Variants in MSRB3 observed in about 807,000 individuals in gnomAD.
MSRB3 encodes the protein methionine-R-sulfoxide reductase B3.
MSRB3 carries 13 observed loss-of-function variants against 21.0 expected under a neutral mutation model. The observed-to-expected ratio is 0.62, with a 90% CI of 0.40 to 0.98. The LOEUF (loss-of-function observed/expected upper bound fraction) is 0.98. Among genes scored for constraint, MSRB3 ranks in the 50% least tolerant of loss-of-function variants. MSRB3 has a pLI of 0.00. For synonymous variants in MSRB3, 87 were observed against 88.6 expected, an observed-to-expected ratio of 0.98 and a Z score of 0.10; for missense variants, 199 against 230.3, an observed-to-expected ratio of 0.86 and a Z score of 0.88.
intron 6 of MSRB3, among the ~76,000 whole-genome samples, chr12:65,455,052 T>C (rs1043718268): frequency 2.6e-5 from 4 of 152,206 alleles, no homozygotes; most frequent in African/African-American, 9.7e-5. Context: ...TACAGGAGCA[T>C]GATCAGGCAG....
chr12:65,354,980 G>A (rs1487381896), intron 4 of MSRB3, among the ~76,000 whole-genome samples: 1 of 151,770 alleles, frequency 6.6e-6, no homozygotes, highest in Non-Finnish European at 1.5e-5. Context: ...CTTATAATAG[G>A]AGGGGAAGTA....
chr12:65,414,854 G>A (rs1331910647), intron 5 of MSRB3, among the ~76,000 whole-genome samples: 2 of 152,166 alleles, frequency 1.3e-5, no homozygotes, highest in African/African-American at 2.4e-5. Flanking sequence ...GTTCAGGTGG[G>A]GCCTGGGGGA....
At chr12:65,347,226 G>A (rs1876579806) in intron 4 of MSRB3, among the ~76,000 whole-genome samples, 1 of 152,112 alleles carries the variant, frequency 6.6e-6, no homozygotes, top group Admixed American at 6.6e-5. Context: ...AGCATGGAAT[G>A]TTCTTCCATT....
intron 5 of MSRB3, among the ~76,000 whole-genome samples, chr12:65,378,116 C>T (rs376493461): frequency 4.6e-5 from 7 of 152,022 alleles, no homozygotes; most frequent in African/African-American, 1.7e-4. Context: ...GTTGACTAGC[C>T]CAGTGCTTAG....
rs1003091502 is a variant in MSRB3 at position 65,279,075 on chromosome 12, A to G, written c.-52+210A>G. 35 of 1,406,738 alleles carry G rather than the reference A, an allele frequency of 2.5e-5. No homozygotes were observed. In the African/African-American group the frequency reaches 4.8e-4, roughly 19 times the overall value. The allele number at this position is 1,406,738 out of a possible 1,614,324, so 87.1% of individuals were successfully genotyped here. On this transcript the variant is annotated intron_variant, in intron 1 of 6. Transcript: ENST00000308259. ...GTGAGGGGCCGAACGGAAGGAGGTC[A>G]GGGCTGGTTTCCCCCCACCCGCCGA...
intron 2 of MSRB3, among the ~76,000 whole-genome samples, chr12:65,323,852 A>C (rs1874846616): frequency 6.6e-6 from 1 of 152,176 alleles, no homozygotes. Flanking sequence ...GTAATAGTAT[A>C]GCTTTAAATT....
chr12:65,373,212 A>G (rs1878418821), intron 5 of MSRB3, among the ~76,000 whole-genome samples: 2 of 152,196 alleles, frequency 1.3e-5, no homozygotes, highest in African/African-American at 4.8e-5. Flanking sequence ...TAACTGAAAA[A>G]AGATGTTTTT....
intron 5 of MSRB3, among the ~76,000 whole-genome samples, chr12:65,381,502 T>A (rs1314769650): frequency 6.6e-6 from 1 of 152,136 alleles, no homozygotes; most frequent in East Asian, 1.9e-4. Flanking sequence ...TGCTCCAGTA[T>A]GAAAGTATTT....
At chr12:65,286,741 G>A (rs1211244018) in intron 1 of MSRB3, 2 of 151,030 alleles carry the variant, frequency 1.3e-5, no homozygotes, top group African/African-American at 4.9e-5. Flanking sequence ...CTCAGGCAAG[G>A]CACAGTAGTT....
Position 65,458,533 on chromosome 12 carries a change from A to C in MSRB3, c.391-4622A>C, listed in dbSNP as rs557492900. Among the ~76,000 whole-genome samples the C allele has an allele frequency of 2.0e-5, 3 of 152,338 alleles. No individual in the cohort carries two copies. The South Asian group carries it at 6.2e-4, about 32-fold the overall frequency. The stretch of plus-strand genomic sequence containing the variant: ...AGAATTGTTGTGTAGGAAACAGCAC[A>C]CTGCCTAATCTTTGCATTGACAGCA... On this transcript the variant is annotated intron_variant, in intron 6 of 6. Coordinates refer to ENST00000308259, the MANE Select transcript of MSRB3 (RefSeq NM_001031679.3).
chr12:65,306,762 A>C (rs538365460), intron 1 of MSRB3: 9 of 824,140 alleles, frequency 1.1e-5, no homozygotes, highest in Middle Eastern at 6.1e-4. Context: ...AGGCAACAGA[A>C]TATTAAATCA....
At chr12:65,343,218 A>G (rs185545444) in intron 4 of MSRB3, among the ~76,000 whole-genome samples, 28 of 152,272 alleles carry the variant, frequency 1.8e-4, no homozygotes, top group African/African-American at 6.7e-4. Context: ...CATATTGCCC[A>G]TCTACTCACA....
rs555572172 is a variant in MSRB3 at position 65,416,296 on chromosome 12, G to A, written c.293-37432G>A. Among the ~76,000 whole-genome samples, 4 of 152,290 alleles carry A rather than the reference G, an allele frequency of 2.6e-5. No individual in the cohort carries two copies. The South Asian group carries it at 8.3e-4, about 32-fold the overall frequency. Reference sequence around the variant, plus strand: ...CTCTTCTCCACTGCTCAGAACACAGGAAGACTTACCCTGGTTGTGATTCTA... The same window carrying A: ...CTCTTCTCCACTGCTCAGAACACAGAAAGACTTACCCTGGTTGTGATTCTA... On this transcript the variant is annotated intron_variant, in intron 5 of 6. Coordinates refer to ENST00000308259, the MANE Select transcript of MSRB3 (RefSeq NM_001031679.3).
chr12:65,347,262 G>A (rs534846154), intron 4 of MSRB3, among the ~76,000 whole-genome samples: 1 of 152,140 alleles, frequency 6.6e-6, no homozygotes, highest in South Asian at 2.1e-4. Flanking sequence ...TTATTTCATT[G>A]AGCAGTGGTT....
intron 4 of MSRB3, among the ~76,000 whole-genome samples, chr12:65,357,014 A>G (rs773688578): frequency 6.6e-6 from 1 of 151,904 alleles, no homozygotes; most frequent in Non-Finnish European, 1.5e-5. Context: ...AAGTTTTCTT[A>G]TTGATCCTAG....
intron 1 of MSRB3, among the ~76,000 whole-genome samples, chr12:65,297,509 A>G (rs555798338): frequency 4.3e-4 from 66 of 152,368 alleles, no homozygotes; most frequent in African/African-American, 1.5e-3. Context: ...TATTTATTTG[A>G]CAAATATTTA....
intron 5 of MSRB3, among the ~76,000 whole-genome samples, chr12:65,398,959 G>C (rs1198258867): frequency 1.3e-5 from 2 of 151,972 alleles, no homozygotes; most frequent in African/African-American, 4.8e-5. Context: ...CTGTTCTCTT[G>C]GTCTATATAT....
intron 2 of MSRB3, chr12:65,308,947 T>C: frequency 4.5e-6 from 2 of 447,658 alleles, no homozygotes; most frequent in South Asian, 5.3e-5. Context: ...AATCATAACG[T>C]TCATAAGAGG....
At chr12:65,442,852 C>A (rs1422925120) in intron 5 of MSRB3, among the ~76,000 whole-genome samples, 1 of 152,054 alleles carries the variant, frequency 6.6e-6, no homozygotes, top group Non-Finnish European at 1.5e-5. Context: ...AGGTCTACAA[C>A]TGACTTCTGT....
Sources: allele counts gnomAD v4.1 joint callset (sites outside exome capture counted in the v4.1 genomes callset), GRCh38; gene constraint gnomAD v4.1.1; transcripts MANE v1.5; gene names NCBI Gene and HGNC (gene_info 2026-07-23, HGNC 2026-07-21).